APPL2: variants seen among roughly 807,000 people sequenced by gnomAD.
APPL2 encodes the protein adaptor protein, phosphotyrosine interacting with PH domain and leucine zipper 2.
A neutral mutation model predicts 92.7 loss-of-function variants in APPL2; 84 were observed. That is an observed-to-expected ratio of 0.91 (90% CI 0.76 to 1.09). The LOEUF (loss-of-function observed/expected upper bound fraction) is 1.09, where lower values mean the gene tolerates loss of function less well. Ranked by LOEUF, APPL2 falls within the 50% of genes least tolerant of loss-of-function variation. The probability of loss-of-function intolerance (pLI) is 0.00; values close to 1 mark genes in which losing one functional copy is unlikely to be tolerated. For missense variants in APPL2, 736 were observed against 824.5 expected, an observed-to-expected ratio of 0.89 and a Z score of 1.31; for synonymous variants, 291 against 291.0, an observed-to-expected ratio of 1.00 and a Z score of 0.00.
At position 105,236,135 on chromosome 12, in the gene APPL2, C is replaced by CG; in HGVS notation, c.-124_-123insC. ...GCGGCCACTCCGTGCCCGCGGCGGC[C>CG]CCGCGCGCGTCCACGCCTGGCCAGT... is the stretch of plus-strand genomic sequence containing the variant. On this transcript the variant is annotated 5_prime_UTR_variant, in exon 1 of 21. Coordinates refer to ENST00000258530, the MANE Select transcript of APPL2 (RefSeq NM_018171.5). 1.9e-6 allele frequency: 1 copy of CG among 538,768 alleles called. No individual in the cohort carries two copies. Among genetic ancestry groups the CG allele is most frequent in the Non-Finnish European group, 2.5e-6 (1 of 404,614 alleles). 33.4% of individuals were successfully genotyped at this position (538,768 alleles called of 1,614,324 possible). A position where few individuals can be genotyped will look rare whatever the true frequency, so the allele number is the denominator to read the frequency against.
At chr12:105,189,266 C>T (rs1002431897) in intron 16 of APPL2, among the ~76,000 whole-genome samples, 9 of 152,218 alleles carry the variant, frequency 5.9e-5, no homozygotes, top group African/African-American at 7.2e-5. Flanking sequence ...CCTAAGCTCA[C>T]GTGATTCACC....
intron 17 of APPL2, among the ~76,000 whole-genome samples, chr12:105,185,818 G>A (rs1236374374): frequency 1.3e-5 from 2 of 152,124 alleles, no homozygotes; most frequent in East Asian, 1.9e-4. Context: ...CATAACGTCA[G>A]ATTTATCATT....
Position 105,188,313 on chromosome 12 carries a change from T to C in APPL2, c.1594A>G (p.Met532Val). ...GTGACCATCAGATGGGATTCTGTCATGCGGAAGATGTTATGAATAGCCCGA... is the reference window on the plus strand; with the variant it reads ...GTGACCATCAGATGGGATTCTGTCACGCGGAAGATGTTATGAATAGCCCGA... Reference protein sequence around the residue: ...AARAIHNIFRMTESHLMVTSQ... With the variant: ...AARAIHNIFRVTESHLMVTSQ... The change falls in exon 17 of 21, where the codon ATG becomes GTG. Residue 532 changes from methionine (M) to valine (V), a missense_variant. Physicochemically the swap from Met to Val is conservative, Grantham distance 21. Transcript: ENST00000258530. The C allele has an allele frequency of 1.2e-6, 2 of 1,614,228 alleles. No homozygotes were observed. The highest frequency in any genetic ancestry group is 1.1e-5 in the South Asian group (1 of 91,084).
chr12:105,212,910 T>C (rs985798747), intron 4 of APPL2, among the ~76,000 whole-genome samples: 1 of 152,220 alleles, frequency 6.6e-6, no homozygotes, highest in Non-Finnish European at 1.5e-5. Context: ...ACTTTCCCTA[T>C]CGCTCAACCA....
rs76949087 is a variant in APPL2 at position 105,208,714 on chromosome 12, G to A, written c.374-515C>T. ...ACACGATCTAGCATACTGTAGTTGC[G>A]ACAAGCCAACACCAATAACTATTAC... On this transcript the variant is annotated intron_variant, in intron 5 of 20. Coordinates refer to ENST00000258530, the MANE Select transcript of APPL2 (RefSeq NM_018171.5). Among the ~76,000 whole-genome samples the A allele has an allele frequency of 1.3e-3, 196 of 152,166 alleles. 7 individuals carry two copies. The East Asian group carries it at 0.033, about 26-fold the overall frequency.
In APPL2 at chr12:105,176,863, A is replaced by G; in HGVS notation, c.1812+13T>C. ...GACTGGGATATTATGGGATCTTCAC[A>G]TGAAAAAGAGACCTTTTCGCCTTCT... On this transcript the variant is annotated intron_variant, in intron 19 of 20. Transcript: ENST00000258530. The G allele has an allele frequency of 6.2e-7, 1 of 1,612,710 alleles. No individual in the cohort carries two copies. Among genetic ancestry groups the G allele is most frequent in the Non-Finnish European group, 8.5e-7 (1 of 1,179,548 alleles).
rs766364894 is a variant in APPL2, at chr12:105,199,494, G to T, written c.742C>A (p.Arg248=). The part of the protein sequence containing the change: ...VELEAEAEKM[R]VSQQELLSVD... ...GAAAGTAATTCTTGCTGGGACACCC[G>T]CATCTTTTCCGCCTCGGCTTCCAGT... Residue 248 remains arginine (R), a synonymous_variant, in exon 10 of 21, where the codon CGG becomes AGG. Coordinates refer to ENST00000258530, the MANE Select transcript of APPL2 (RefSeq NM_018171.5). 2.5e-6 allele frequency: 4 copies of T among 1,613,854 alleles called. No homozygotes were observed. Among genetic ancestry groups the T allele is most frequent in the Non-Finnish European group, 2.5e-6 (3 of 1,180,010 alleles).
intron 4 of APPL2, among the ~76,000 whole-genome samples, chr12:105,213,440 A>T (rs530947607): frequency 6.6e-6 from 1 of 152,304 alleles, no homozygotes; most frequent in South Asian, 2.1e-4. Flanking sequence ...TGAGGACAAG[A>T]CAGTGACATG....
chr12:105,192,020 G>A (rs1488471845), intron 14 of APPL2, among the ~76,000 whole-genome samples: 2 of 152,004 alleles, frequency 1.3e-5, no homozygotes, highest in African/African-American at 2.4e-5. Context: ...TGTATCATCC[G>A]TTGACTGCTT....
chr12:105,176,354 TTC>T (rs1293846406), intron 19 of APPL2: 23 of 540,630 alleles, frequency 4.3e-5, no homozygotes, highest in Non-Finnish European at 5.7e-5. Context: ...GGAATTTTTC[TTC>T]TCTCTCTTAA....
chr12:105,191,152 G>A (rs1887157161), intron 14 of APPL2, among the ~76,000 whole-genome samples: 1 of 152,174 alleles, frequency 6.6e-6, no homozygotes, highest in African/African-American at 2.4e-5. Flanking sequence ...ATAATGACTG[G>A]AATGTGGATG....
chr12:105,182,658 G>A (rs117211752), intron 17 of APPL2, among the ~76,000 whole-genome samples: 4,410 of 152,242 alleles, frequency 0.029, 94 homozygotes, highest in Middle Eastern at 0.061. Flanking sequence ...CATTTGTTGA[G>A]GAGTATTTTA....
chr12:105,221,256 A>G (rs1240309272), intron 2 of APPL2, among the ~76,000 whole-genome samples: 1 of 152,176 alleles, frequency 6.6e-6, no homozygotes, highest in East Asian at 1.9e-4. Flanking sequence ...AATAACATCA[A>G]TAAAGATAGC....
chr12:105,200,876 C>G (rs200847594), intron 9 of APPL2, among the ~76,000 whole-genome samples: 27,901 of 112,592 alleles, frequency 0.25, 2,742 homozygotes, highest in African/African-American at 0.31. Context: ...ATCTATCTAT[C>G]TATCTATCTA....
At chr12:105,232,062 T>A (rs1490787912) in intron 1 of APPL2, among the ~76,000 whole-genome samples, 1 of 152,240 alleles carries the variant, frequency 6.6e-6, no homozygotes, top group Non-Finnish European at 1.5e-5. Flanking sequence ...CAATCATTTA[T>A]GGGGTTACTA....
intron 9 of APPL2, 182 bp downstream of exon 9, chr12:105,203,521 G>C (rs1440879662): frequency 1.7e-6 from 1 of 605,068 alleles, no homozygotes; most frequent in African/African-American, 1.9e-5. Context: ...CTCTGCCAAT[G>C]TGCCCCAGAT....
At chr12:105,233,080 G>C in intron 1 of APPL2, 1 of 985,210 alleles carries the variant, frequency 1.0e-6, no homozygotes, top group Non-Finnish European at 1.2e-6. Context: ...CCTCAAAAGT[G>C]TACTACTTAC....
chr12:105,200,831 C>CGTATGTATGTATGTATGTAT (rs67064501), intron 9 of APPL2, among the ~76,000 whole-genome samples: 2 of 144,506 alleles, frequency 1.4e-5, no homozygotes, highest in South Asian at 2.3e-4. Flanking sequence ...CCACTCTCTA[C>CGTATGTATGTATGTATGTAT]GTATGTATGT....
At chr12:105,208,341 G>T (rs1888927993) in intron 5 of APPL2, 142 bp from the exon 6 acceptor site, 1 of 992,534 alleles carries the variant, frequency 1.0e-6, no homozygotes. Flanking sequence ...TCACAGGCTG[G>T]CCCAGAGGCT....
Sources: allele counts gnomAD v4.1 joint callset (sites outside exome capture counted in the v4.1 genomes callset), GRCh38; gene constraint gnomAD v4.1.1; transcripts MANE v1.5; gene names NCBI Gene and HGNC (gene_info 2026-07-23, HGNC 2026-07-21).